The following CRBN variants were observed in gnomAD, a reference collection of about 807,000 sequenced individuals.
CRBN encodes the protein protein cereblon.
CRBN carries 53 observed loss-of-function variants against 62.2 expected under a neutral mutation model. The observed-to-expected ratio is 0.85, with a 90% confidence interval of 0.68 to 1.07. The LOEUF is 1.07. CRBN is among the 50% of genes least tolerant of loss of function. The pLI is 0.00. For synonymous variants in CRBN, 208 were observed against 176.1 expected (o/e 1.18, Z -1.43); for missense variants, 616 against 531.1 (o/e 1.16, Z -1.57).
chr3:3,176,345 A>C lies in CRBN; in HGVS notation c.68-1076T>G, dbSNP rs117276316. On this transcript the variant is annotated intron_variant, in intron 1 of 10. Transcript: ENST00000231948. ...AAGTAAGAAAAGAAACAAAGCAGGC[A>C]AGATCTGTTAATTAAAACTGAGAGA... Among the ~76,000 whole-genome samples the C allele has an allele frequency of 2.8e-4, 43 of 152,360 alleles. No homozygotes were observed. In the East Asian group the frequency reaches 7.7e-3, roughly 27 times the overall value.
At chr3:3,161,431 A>T (rs898228946) in intron 5 of CRBN, among the ~76,000 whole-genome samples, 1 of 146,598 alleles carries the variant, frequency 6.8e-6, no homozygotes, top group Non-Finnish European at 1.5e-5. Context: ...ATGATGAAAC[A>T]ATAAAAATAA....
At chr3:3,178,750 G>A (rs190475172) in intron 1 of CRBN, among the ~76,000 whole-genome samples, 71 of 152,224 alleles carry the variant, frequency 4.7e-4, no homozygotes, top group Admixed American at 2.9e-3. Context: ...ATTACCTCTC[G>A]TTTCATCTCC....
At chr3:3,174,485 A>G (rs2089382082) in intron 2 of CRBN, among the ~76,000 whole-genome samples, 1 of 152,080 alleles carries the variant, frequency 6.6e-6, no homozygotes, top group South Asian at 2.1e-4. Context: ...TACTAAAAAT[A>G]CAAAAATTAG....
chr3:3,155,010 C>T (rs1487291024), intron 6 of CRBN, 179 bp from the exon 7 acceptor site: 1 of 614,166 alleles, frequency 1.6e-6, no homozygotes, highest in Non-Finnish European at 2.9e-6. Context: ...CTCCTTTGCC[C>T]AGCACTGTCT....
chr3:3,169,310 T>G (rs1480631104), intron 4 of CRBN, among the ~76,000 whole-genome samples: 4 of 152,236 alleles, frequency 2.6e-5, no homozygotes, highest in African/African-American at 9.6e-5. Context: ...TAAGCTAGTT[T>G]TTTTTCTTTC....
chr3:3,151,597 C>A (rs1201603027), intron 10 of CRBN, among the ~76,000 whole-genome samples: 1 of 152,156 alleles, frequency 6.6e-6, no homozygotes, highest in Non-Finnish European at 1.5e-5. Context: ...GCAACTGTTT[C>A]CTTATTTTTT....
At chr3:3,172,716 C>G in intron 4 of CRBN, 60 bp downstream of exon 4, 12 of 1,529,574 alleles carry the variant, frequency 7.8e-6, no homozygotes, top group Non-Finnish European at 1.1e-5. Context: ...AGAAAAAGTA[C>G]AAGAAAACTA....
At chr3:3,177,550 G>A (rs917191579) in intron 1 of CRBN, among the ~76,000 whole-genome samples, 1 of 152,174 alleles carries the variant, frequency 6.6e-6, no homozygotes, top group Non-Finnish European at 1.5e-5. Flanking sequence ...GCATCAAATT[G>A]TTTGTATTTC....
Position 3,153,481 on chromosome 3 carries a change from G to C in CRBN, c.959C>G (p.Ser320Cys), listed in dbSNP as rs148975864. 2.5e-6 allele frequency: 4 copies of C among 1,569,490 alleles called. No homozygotes were observed. The Admixed American group carries it at 5.0e-5, about 20-fold the overall frequency. ...TTCTTGACATTGTTTACAGCAAAGG[G>C]AAGTACACTAAAAGATTTGAGAGAA... Reference protein sequence around the residue: ...CELDIMNKCTSLCCKQCQETE... With the variant: ...CELDIMNKCTCLCCKQCQETE... The change falls in exon 9 of 11, where the codon TCC (serine) becomes TGC (cysteine). Residue 320 changes from serine (S) to cysteine (C), a missense_variant. Ser to Cys is a moderately radical substitution (Grantham distance 112). Coordinates refer to ENST00000231948, the MANE Select transcript of CRBN (RefSeq NM_016302.4).
rs1215857028 is a variant in CRBN, at chr3:3,165,521, C to A, written c.687+2113G>T. On this transcript the variant is annotated intron_variant, in intron 5 of 10. Transcript: ENST00000231948. Reference sequence around the variant, plus strand: ...ACAGCAAAACAAGACTATCCACCAGCAAAAAAGATTATGATTCACTGAAGG... The same window carrying A: ...ACAGCAAAACAAGACTATCCACCAGAAAAAAAGATTATGATTCACTGAAGG... 8.6e-5 allele frequency among the ~76,000 whole-genome samples: 13 copies of A among 152,000 alleles called. No individual in the cohort carries two copies. The East Asian group carries it at 2.5e-3, about 29-fold the overall frequency.
chr3:3,150,677 GT>G lies in CRBN; in HGVS notation c.*187del. On this transcript the variant is annotated 3_prime_UTR_variant, in exon 11 of 11. Coordinates refer to ENST00000231948, the MANE Select transcript of CRBN (RefSeq NM_016302.4). The stretch of plus-strand genomic sequence containing the variant: ...GTATTCTAGACTGCCGTTCATGCTT[GT>G]TTCCTAAAGTATACTTAAAAGTTTC... The G allele has an allele frequency of 3.4e-6, 2 of 584,216 alleles. No homozygotes were observed. Among genetic ancestry groups the G allele is most frequent in the Non-Finnish European group, 5.9e-6 (2 of 337,420 alleles). 36.2% of individuals were successfully genotyped at this position (584,216 alleles called of 1,614,324 possible).
intron 5 of CRBN, among the ~76,000 whole-genome samples, chr3:3,161,170 C>A (rs549494366): frequency 6.6e-6 from 1 of 151,894 alleles, no homozygotes; most frequent in Non-Finnish European, 1.5e-5. Context: ...AAACAAAAGA[C>A]AAAAGACAAA....
chr3:3,153,179 A>C (rs1706703542), intron 9 of CRBN: 1 of 447,646 alleles, frequency 2.2e-6, no homozygotes, highest in East Asian at 4.3e-5. Context: ...ATTAGGGGGA[A>C]AAGAATTTCT....
intron 5 of CRBN, among the ~76,000 whole-genome samples, chr3:3,165,221 C>T (rs1438139446): frequency 6.6e-6 from 1 of 152,148 alleles, no homozygotes; most frequent in Non-Finnish European, 1.5e-5. Flanking sequence ...AAGAAATCTA[C>T]TGCTGAAGAT....
chr3:3,164,003 T>C (rs1707235483), intron 5 of CRBN, among the ~76,000 whole-genome samples: 1 of 152,204 alleles, frequency 6.6e-6, no homozygotes, highest in Non-Finnish European at 1.5e-5. Flanking sequence ...ACTTTGATGT[T>C]ATTACTGTAA....
In CRBN at chr3:3,154,079, C is replaced by G. The variant is rs367952702; in HGVS notation, c.836-4G>C. On this transcript the variant is annotated splice_region_variant and splice_polypyrimidine_tract_variant and intron_variant, in intron 7 of 10. Coordinates refer to ENST00000231948, the MANE Select transcript of CRBN (RefSeq NM_016302.4). ...GCAGCTACTCTGTAAGAAAAATCTT[C>G]AAGACATGGTTTTTCAAGTTTTAAA... 4 of 1,562,910 alleles carry G rather than the reference C, an allele frequency of 2.6e-6. No homozygotes were observed. The African/African-American group carries it at 5.4e-5, about 21-fold the overall frequency.
intron 5 of CRBN, among the ~76,000 whole-genome samples, chr3:3,167,137 C>T (rs1707382678): frequency 6.6e-6 from 1 of 152,014 alleles, no homozygotes; most frequent in Non-Finnish European, 1.5e-5. Context: ...CCCAAACAAG[C>T]AACATTTTTA....
intron 5 of CRBN, among the ~76,000 whole-genome samples, chr3:3,166,125 C>T (rs938497612): frequency 6.6e-6 from 1 of 151,706 alleles, no homozygotes; most frequent in Non-Finnish European, 1.5e-5. Context: ...TGTGTCCCCA[C>T]TCAAATCTCA....
intron 5 of CRBN, among the ~76,000 whole-genome samples, chr3:3,158,798 C>T (rs1278490523): frequency 6.6e-6 from 1 of 152,168 alleles, no homozygotes; most frequent in African/African-American, 2.4e-5. Context: ...TGACTCTAAC[C>T]ATCATTCATT....
Sources: allele counts gnomAD v4.1 joint callset (sites outside exome capture counted in the v4.1 genomes callset), GRCh38; gene constraint gnomAD v4.1.1; transcripts MANE v1.5; gene names NCBI Gene and HGNC (gene_info 2026-07-23, HGNC 2026-07-21).